ACSBG2: variants seen among roughly 807,000 people sequenced by gnomAD.
The protein encoded by ACSBG2 is long-chain-fatty-acid--CoA ligase ACSBG2.
ACSBG2 carries 62 observed loss-of-function variants against 74.7 expected under a neutral mutation model. The observed-to-expected ratio is 0.83, with a 90% CI of 0.68 to 1.03. ACSBG2 has a LOEUF of 1.03. Ranked by LOEUF, ACSBG2 falls within the 50% of genes least tolerant of loss-of-function variation. The pLI, the probability that ACSBG2 is intolerant of heterozygous loss-of-function variation, is 0.00. For synonymous variants in ACSBG2, 309 were observed against 294.1 expected (o/e 1.05, Z -0.52); for missense variants, 730 against 817.6 (o/e 0.89, Z 1.31).
chr19:6,161,020 A>C (rs562517740), intron 5 of ACSBG2, among the ~76,000 whole-genome samples, 195 bp from the exon 6 acceptor site: 2 of 151,990 alleles, frequency 1.3e-5, no homozygotes, highest in East Asian at 3.9e-4. Flanking sequence ...GAATGGCTTC[A>C]ACCCGGGAGG....
rs570013495 is a variant in ACSBG2, at chr19:6,176,310, G to A, written c.739-919G>A. 2.1e-5 allele frequency: 29 copies of A among 1,397,200 alleles called. No homozygotes were observed. In the Middle Eastern group the frequency reaches 5.8e-4, roughly 28 times the overall value. The allele number at this position is 1,397,200 out of a possible 1,614,324, so 86.6% of individuals were successfully genotyped here. ...ATCTGCTTGAGCAAAGTATGTGAGC[G>A]CCCCAATCTTTATGGGTACCCAGAT... On this transcript the variant is annotated intron_variant, in intron 7 of 14. Coordinates refer to ENST00000588485, the MANE Select transcript of ACSBG2 (RefSeq NM_030924.5).
intron 7 of ACSBG2, among the ~76,000 whole-genome samples, chr19:6,168,015 G>A (rs2089860908): frequency 7.9e-6 from 1 of 127,124 alleles, no homozygotes; most frequent in Non-Finnish European, 1.6e-5. Context: ...AGCCACCAGA[G>A]AGTGCCTGTG....
intron 8 of ACSBG2, among the ~76,000 whole-genome samples, chr19:6,178,038 T>C (rs953628648): frequency 8.5e-5 from 13 of 152,178 alleles, no homozygotes; most frequent in African/African-American, 3.1e-4. Flanking sequence ...ACTGGGATTA[T>C]GCATATATTT....
intron 7 of ACSBG2, among the ~76,000 whole-genome samples, chr19:6,167,988 C>A (rs1266896687): frequency 1.3e-4 from 20 of 150,572 alleles, no homozygotes; most frequent in South Asian, 1.1e-3. Flanking sequence ...CCCCCACCCC[C>A]AGTCTATCCT....
intron 6 of ACSBG2, 89 bp downstream of exon 6, chr19:6,161,384 G>T (rs919720253): frequency 2.9e-5 from 37 of 1,276,070 alleles, no homozygotes; most frequent in African/African-American, 1.0e-4. Flanking sequence ...TGAGCAGAGG[G>T]AGGAGGTCGG....
intron 2 of ACSBG2, among the ~76,000 whole-genome samples, chr19:6,146,556 G>A (rs1447364259): frequency 1.4e-5 from 2 of 146,296 alleles, no homozygotes; most frequent in South Asian, 2.2e-4. Flanking sequence ...ACCTGAAGTC[G>A]GGAGTTCGAG....
rs563391607 is a variant in ACSBG2 at position 6,144,199 on chromosome 19, T to C, written c.67+2589T>C. Among the ~76,000 whole-genome samples, 124 of 152,322 alleles carry C rather than the reference T, an allele frequency of 8.1e-4. 1 individual carries two copies. Among genetic ancestry groups the C allele is most frequent in the African/African-American group, 2.8e-3 (118 of 41,578 alleles). On this transcript the variant is annotated intron_variant, in intron 2 of 14. Transcript: ENST00000588485. Reference sequence around the variant, plus strand: ...TTTTAGTAGATACAGGGTTTCGCCATGTTAGCGAGGATGGTCTCGAACTTC... The same window carrying C: ...TTTTAGTAGATACAGGGTTTCGCCACGTTAGCGAGGATGGTCTCGAACTTC...
intron 1 of ACSBG2, among the ~76,000 whole-genome samples, chr19:6,138,322 C>T (rs1285853591): frequency 3.9e-5 from 6 of 151,918 alleles, no homozygotes; most frequent in African/African-American, 9.7e-5. Context: ...ACCCACAATG[C>T]GCCTGGGTGA....
chr19:6,143,009 C>T (rs2088902404), intron 2 of ACSBG2, among the ~76,000 whole-genome samples: 1 of 151,742 alleles, frequency 6.6e-6, no homozygotes, highest in African/African-American at 2.4e-5. Flanking sequence ...TGCTTGAGGC[C>T]AGGAATTCAA....
At chr19:6,137,708 C>T (rs548732055) in intron 1 of ACSBG2, among the ~76,000 whole-genome samples, 53 of 151,908 alleles carry the variant, frequency 3.5e-4, no homozygotes, top group Non-Finnish European at 5.1e-4. Flanking sequence ...GGGTGCAGGG[C>T]GAGATCTCTG....
chr19:6,156,524 T>C lies in ACSBG2; in HGVS notation c.480T>C (p.Asn160=), dbSNP rs2089425467. The C allele has an allele frequency of 1.3e-6, 2 of 1,586,878 alleles. No individual in the cohort carries two copies. Among genetic ancestry groups the C allele is most frequent in the East Asian group, 4.6e-5 (2 of 43,052 alleles). ...HAKVNILLVE[N]DQQLQKILSI... ...AAGTGAACATCTTGCTGGTTGAGAATGATCAACAGTTACAGAAAATCCTTT... is the reference window on the plus strand; with the variant it reads ...AAGTGAACATCTTGCTGGTTGAGAACGATCAACAGTTACAGAAAATCCTTT... Residue 160 remains asparagine (N), a synonymous_variant, in exon 5 of 15, where the codon AAT becomes AAC. Transcript: ENST00000588485.
chr19:6,188,758 G>C (rs900906113), intron 13 of ACSBG2, among the ~76,000 whole-genome samples: 3 of 152,128 alleles, frequency 2.0e-5, no homozygotes, highest in African/African-American at 7.2e-5. Flanking sequence ...GGGGATCTTT[G>C]GGGGTGAAGG....
chr19:6,176,993 A>G (rs1490167156), intron 7 of ACSBG2, among the ~76,000 whole-genome samples: 1 of 151,602 alleles, frequency 6.6e-6, no homozygotes, highest in Non-Finnish European at 1.5e-5. Context: ...CCCTCTCTAC[A>G]AAAAAAGTTA....
intron 4 of ACSBG2, among the ~76,000 whole-genome samples, chr19:6,154,414 G>GAGAGAGAC (rs2089344850): frequency 1.1e-5 from 1 of 87,286 alleles, no homozygotes; most frequent in Non-Finnish European, 2.7e-5. Context: ...GAGAGAGAGA[G>GAGAGAGAC]AGAGAGAGAG....
intron 2 of ACSBG2, among the ~76,000 whole-genome samples, chr19:6,146,777 C>T (rs921543346): frequency 1.4e-5 from 2 of 147,908 alleles, no homozygotes; most frequent in African/African-American, 5.0e-5. Flanking sequence ...AAAACAAAAA[C>T]AAAACAAAAC....
At position 6,174,414 on chromosome 19, in the gene ACSBG2, G is replaced by A. The variant is rs2090041095; in HGVS notation, c.739-2815G>A. Among the ~76,000 whole-genome samples, 1 of 152,218 alleles carries A rather than the reference G, an allele frequency of 6.6e-6. No homozygotes were observed. Among genetic ancestry groups the A allele is most frequent in the Non-Finnish European group, 1.5e-5 (1 of 68,036 alleles). ...AAACAAATTCCACCTCAGAATGGGA[G>A]GAGTAGCAGAGAATCTGCAGCTCTG... is the stretch of plus-strand genomic sequence containing the variant. On this transcript the variant is annotated intron_variant, in intron 7 of 14. Transcript: ENST00000588485. The surrounding 1 kb of genome is among the most constrained non-coding windows in gnomAD (Gnocchi z 4.2).
chr19:6,158,953 T>G (rs908552088), intron 5 of ACSBG2, among the ~76,000 whole-genome samples: 1 of 152,060 alleles, frequency 6.6e-6, no homozygotes, highest in Admixed American at 6.6e-5. Context: ...TTCTTTTCTT[T>G]TTTTGTTTGT....
chr19:6,179,788 T>C (rs1366332127), intron 8 of ACSBG2, among the ~76,000 whole-genome samples: 1 of 152,062 alleles, frequency 6.6e-6, no homozygotes, highest in Non-Finnish European at 1.5e-5. Flanking sequence ...AATTTTTGTA[T>C]TTTTAGTAGA....
At chr19:6,164,901 TG>T (rs1392083437) in intron 6 of ACSBG2, among the ~76,000 whole-genome samples, 2 of 152,144 alleles carry the variant, frequency 1.3e-5, no homozygotes, top group Admixed American at 1.3e-4. Flanking sequence ...AGTCAGACCT[TG>T]GGTTTGAATG....
Sources: allele counts gnomAD v4.1 joint callset (sites outside exome capture counted in the v4.1 genomes callset), GRCh38; gene constraint gnomAD v4.1.1; non-coding constraint Gnocchi (gnomAD v3.1); transcripts MANE v1.5; gene names NCBI Gene and HGNC (gene_info 2026-07-23, HGNC 2026-07-21).